The following OPCML variants were observed in gnomAD, a reference collection of about 807,000 sequenced individuals.
OPCML encodes the protein opioid binding protein/cell adhesion molecule like.
OPCML carries 13 observed loss-of-function variants against 37.8 expected under a neutral mutation model. That is an observed-to-expected ratio of 0.34 (90% CI 0.22 to 0.55). The LOEUF (loss-of-function observed/expected upper bound fraction) is 0.55. OPCML is among the 20% of genes least tolerant of loss of function. OPCML has a pLI of 0.91. For synonymous variants in OPCML, 176 were observed against 168.8 expected, an observed-to-expected ratio of 1.04 and a Z score of -0.33; for missense variants, 341 against 435.6, an observed-to-expected ratio of 0.78 and a Z score of 1.93.
intron 4 of OPCML, among the ~76,000 whole-genome samples, chr11:132,496,016 CAGA>C (rs1255277404): frequency 6.6e-6 from 1 of 151,998 alleles, no homozygotes; most frequent in Non-Finnish European, 1.5e-5. Flanking sequence ...TCATAAAAAT[CAGA>C]AGAATAAAAA....
At chr11:133,019,694 G>A (rs561626333) in intron 1 of OPCML, among the ~76,000 whole-genome samples, 16 of 152,278 alleles carry the variant, frequency 1.1e-4, no homozygotes, top group African/African-American at 3.6e-4. Context: ...TTTGTCACAG[G>A]AAAGGGGCAC....
chr11:132,878,376 G>A (rs930844943), intron 2 of OPCML, among the ~76,000 whole-genome samples: 1 of 152,192 alleles, frequency 6.6e-6, no homozygotes, highest in Non-Finnish European at 1.5e-5. Flanking sequence ...CCCTAATGTG[G>A]ATGGGCCTCA....
rs1471720540 is a variant in OPCML at position 133,140,558 on chromosome 11, G to T, written c.62-197548C>A. Among the ~76,000 whole-genome samples the T allele has an allele frequency of 6.8e-4, 92 of 135,774 alleles. 1 individual carries two copies. The highest frequency in any genetic ancestry group is 2.5e-3 in the African/African-American group (84 of 33,436). 89.1% of individuals were successfully genotyped at this position (135,774 alleles called of 152,430 possible). On this transcript the variant is annotated intron_variant, in intron 1 of 7. Transcript: ENST00000524381. The stretch of plus-strand genomic sequence containing the variant: ...AGAAGAAGAAGAAGAAGAAGAAGAA[G>T]AAGAAGAAGAAGAAGAAGAAAGAAG...
chr11:133,168,580 C>A (rs1383741899), intron 1 of OPCML, among the ~76,000 whole-genome samples: 6 of 152,090 alleles, frequency 3.9e-5, no homozygotes, highest in Non-Finnish European at 8.8e-5. Flanking sequence ...AAATATGGTA[C>A]AGTTTATAAA....
intron 1 of OPCML, among the ~76,000 whole-genome samples, chr11:132,959,530 A>G (rs980723257): frequency 2.6e-5 from 4 of 152,332 alleles, no homozygotes; most frequent in African/African-American, 9.6e-5. Context: ...CTACAGAGCA[A>G]TCTTTCGGGA....
chr11:133,443,657 C>T (rs145274139), intron 1 of OPCML, among the ~76,000 whole-genome samples: 20 of 152,266 alleles, frequency 1.3e-4, no homozygotes, highest in Admixed American at 7.8e-4. Flanking sequence ...TATTTTGAAA[C>T]GGGATCATTT....
intron 1 of OPCML, among the ~76,000 whole-genome samples, chr11:133,198,120 C>G (rs1230389489): frequency 6.6e-6 from 1 of 152,190 alleles, no homozygotes; most frequent in East Asian, 1.9e-4. Flanking sequence ...ACATGGATAT[C>G]CTTCCAAAAT....
At chr11:132,793,018 G>C (rs1412449493) in intron 2 of OPCML, among the ~76,000 whole-genome samples, 1 of 152,190 alleles carries the variant, frequency 6.6e-6, no homozygotes, top group Admixed American at 6.5e-5. Flanking sequence ...AGGGCGATAC[G>C]GGCAGCGGCG....
chr11:132,794,742 C>A (rs1264573173), intron 2 of OPCML, among the ~76,000 whole-genome samples: 1 of 152,142 alleles, frequency 6.6e-6, no homozygotes, highest in Non-Finnish European at 1.5e-5. Context: ...ACTACCATAT[C>A]CTTTCTAAGA....
intron 2 of OPCML, among the ~76,000 whole-genome samples, chr11:132,662,504 C>T (rs1416762067): frequency 2.0e-5 from 3 of 150,872 alleles, no homozygotes; most frequent in Admixed American, 1.3e-4. Context: ...GCTGAGAACA[C>T]AGTAGGAACA....
At chr11:133,506,686 A>C (rs940655864) in intron 1 of OPCML, among the ~76,000 whole-genome samples, 1 of 152,232 alleles carries the variant, frequency 6.6e-6, no homozygotes, top group Admixed American at 6.5e-5. Flanking sequence ...AAATCAGTGG[A>C]AGCAGTGGCT....
chr11:132,733,786 G>C (rs1001522467), intron 2 of OPCML, among the ~76,000 whole-genome samples: 17 of 152,042 alleles, frequency 1.1e-4, no homozygotes, highest in Non-Finnish European at 2.2e-4. Context: ...AGATGAGCTG[G>C]GTAAGAAAAG....
intron 3 of OPCML, among the ~76,000 whole-genome samples, chr11:132,606,306 C>T (rs1344314769): frequency 6.6e-6 from 1 of 152,044 alleles, no homozygotes; most frequent in Non-Finnish European, 1.5e-5. Flanking sequence ...AATTAGCAGC[C>T]CCAGGAACTG....
chr11:132,602,602 G>A (rs761194941), intron 3 of OPCML, among the ~76,000 whole-genome samples: 5 of 152,144 alleles, frequency 3.3e-5, no homozygotes, highest in African/African-American at 9.7e-5. Context: ...ACTCCTTTGC[G>A]TGGGGTCCCC....
chr11:132,919,243 C>G (rs77372506), intron 2 of OPCML, among the ~76,000 whole-genome samples: 10 of 152,264 alleles, frequency 6.6e-5, no homozygotes, highest in Non-Finnish European at 1.2e-4. Context: ...CGCAGACCAA[C>G]AAGGTAAAGG....
At chr11:133,015,384 G>A (rs565215624) in intron 1 of OPCML, among the ~76,000 whole-genome samples, 49 of 94,770 alleles carry the variant, frequency 5.2e-4, no homozygotes, top group South Asian at 4.2e-3. Context: ...AGGAAGGAAG[G>A]AAGGAAGGAA....
intron 1 of OPCML, among the ~76,000 whole-genome samples, chr11:133,154,371 G>A (rs776958570): frequency 6.6e-6 from 1 of 152,054 alleles, no homozygotes; most frequent in Non-Finnish European, 1.5e-5. Context: ...GCATGTTTTA[G>A]TGGCCATATC....
chr11:133,229,199 G>A (rs1940169096), intron 1 of OPCML, among the ~76,000 whole-genome samples: 2 of 152,174 alleles, frequency 1.3e-5, no homozygotes, highest in African/African-American at 4.8e-5. Flanking sequence ...AGGACAGGAT[G>A]CTCAGCATTC....
chr11:133,373,460 C>A lies in OPCML; in HGVS notation c.61+158804G>T, dbSNP rs567425820. ...ATATATATATATATACACACACACA[C>A]ACAAAAATACAAAATTTAGCCAGGC... On this transcript the variant is annotated intron_variant, in intron 1 of 7. Transcript: ENST00000524381. Among the ~76,000 whole-genome samples the A allele has an allele frequency of 5.6e-3, 677 of 121,526 alleles. 6 individuals are homozygous for A. Among genetic ancestry groups the A allele is most frequent in the African/African-American group, 0.018 (556 of 31,478 alleles). 79.7% of individuals were successfully genotyped at this position (121,526 alleles called of 152,430 possible).
Sources: gnomAD v4.1 joint callset for allele counts (sites outside exome capture counted in the v4.1 genomes callset) on GRCh38, gnomAD v4.1.1 for gene constraint, MANE v1.5 for transcripts, NCBI Gene and HGNC (gene_info 2026-07-23, HGNC 2026-07-21) for gene names.